Variants in PRDM16 observed in about 807,000 individuals in gnomAD.
PRDM16 encodes PR/SET domain 16.
Under a neutral mutation model 110.6 loss-of-function variants are expected in PRDM16, and 23 were observed. The observed-to-expected ratio is 0.21, with a 90% CI of 0.15 to 0.29. The LOEUF is 0.29. Among genes scored for constraint, PRDM16 ranks in the 10% least tolerant of loss-of-function variants. The pLI is 1.00. For synonymous variants in PRDM16, 799 were observed against 781.8 expected, an observed-to-expected ratio of 1.02 and a Z score of -0.37; for missense variants, 1,615 against 1,794.3, an observed-to-expected ratio of 0.90 and a Z score of 1.81.
chr1:3,162,392 A>G (rs2651901), intron 1 of PRDM16, among the ~76,000 whole-genome samples: 40,926 of 152,060 alleles, frequency 0.27, 6,164 homozygotes, highest in African/African-American at 0.4. Context: ...CCCTGTGGAT[A>G]GGCCGGCTTG....
intron 5 of PRDM16, among the ~76,000 whole-genome samples, chr1:3,399,399 GCC>G (rs1643432424): frequency 6.6e-6 from 1 of 152,130 alleles, no homozygotes; most frequent in Non-Finnish European, 1.5e-5. Context: ...CATAAACTAT[GCC>G]CCCGTTTCTG....
In PRDM16 at chr1:3,182,932, C is replaced by T. The variant is rs1212707325; in HGVS notation, c.38-3193C>T. 7.9e-5 allele frequency among the ~76,000 whole-genome samples: 12 copies of T among 152,320 alleles called. 1 individual carries two copies. The East Asian group carries it at 2.3e-3, about 29-fold the overall frequency. On this transcript the variant is annotated intron_variant, in intron 1 of 16. Coordinates refer to ENST00000270722, the MANE Select transcript of PRDM16 (RefSeq NM_022114.4). ...ACCTCTTCCCTCCCGAGCTCCCTGCCTCCCCACTCCCCTCCTTGCTTTTAT... is the reference window on the plus strand; with the variant it reads ...ACCTCTTCCCTCCCGAGCTCCCTGCTTCCCCACTCCCCTCCTTGCTTTTAT...
At chr1:3,330,541 A>T (rs577865418) in intron 3 of PRDM16, among the ~76,000 whole-genome samples, 1 of 152,154 alleles carries the variant, frequency 6.6e-6, no homozygotes, top group East Asian at 1.9e-4. Flanking sequence ...ATCCCCTCTC[A>T]GCTCAGCGGG....
chr1:3,127,849 G>A (rs1348875932), intron 1 of PRDM16: 3 of 152,810 alleles, frequency 2.0e-5, no homozygotes, highest in African/African-American at 7.2e-5. Context: ...CATGAGCCCT[G>A]GGTTCGGGGA....
chr1:3,223,178 T>C (rs2817150), intron 2 of PRDM16, among the ~76,000 whole-genome samples: 57,267 of 146,466 alleles, frequency 0.39, 16,780 homozygotes, highest in African/African-American at 0.82. Context: ...GGTGCGATCT[T>C]GGCTCACTGC....
intron 2 of PRDM16, among the ~76,000 whole-genome samples, chr1:3,202,610 G>T (rs958432600): frequency 6.6e-6 from 1 of 152,188 alleles, no homozygotes; most frequent in Non-Finnish European, 1.5e-5. Context: ...CCGTCTAAAG[G>T]TGAGGGATGG....
chr1:3,354,460 A>AG (rs35169152), intron 3 of PRDM16, among the ~76,000 whole-genome samples: 1 of 25,048 alleles, frequency 4.0e-5, no homozygotes, highest in Non-Finnish European at 7.3e-5. Flanking sequence ...ACTCTGCCTC[A>AG]AAAAAAAAAA....
chr1:3,082,846 G>C (rs1290686338), intron 1 of PRDM16, among the ~76,000 whole-genome samples: 4 of 152,232 alleles, frequency 2.6e-5, no homozygotes, highest in African/African-American at 9.6e-5. Context: ...CCGGCGCCTG[G>C]GTGCTGCGTG....
intron 3 of PRDM16, among the ~76,000 whole-genome samples, chr1:3,299,422 G>A (rs111827991): frequency 0.01 from 720 of 68,584 alleles, 9 homozygotes; most frequent in Middle Eastern, 0.036. Context: ...TGCTGTGGCC[G>A]TGATGTTTCC....
intron 2 of PRDM16, among the ~76,000 whole-genome samples, chr1:3,188,754 A>G (rs1050993528): frequency 3.3e-5 from 5 of 152,096 alleles, no homozygotes; most frequent in African/African-American, 1.2e-4. Flanking sequence ...GGGGGCAGCC[A>G]TGTGCGTCGG....
chr1:3,162,598 G>A (rs1643908133), intron 1 of PRDM16, among the ~76,000 whole-genome samples: 1 of 152,226 alleles, frequency 6.6e-6, no homozygotes, highest in African/African-American at 2.4e-5. Flanking sequence ...AAAATGACCA[G>A]GCTCCCAGGA....
At chr1:3,147,181 C>T (rs974543805) in intron 1 of PRDM16, among the ~76,000 whole-genome samples, 8 of 135,572 alleles carry the variant, frequency 5.9e-5, no homozygotes, top group East Asian at 2.3e-4. Flanking sequence ...CGTGTGTGCT[C>T]GGTGTGGGTG....
chr1:3,378,765 C>T (rs1643040769), intron 3 of PRDM16, among the ~76,000 whole-genome samples: 1 of 152,044 alleles, frequency 6.6e-6, no homozygotes, highest in Admixed American at 6.5e-5. Flanking sequence ...ACAGTACAGG[C>T]CCAAGAAGCC....
chr1:3,352,967 C>T (rs956252098), intron 3 of PRDM16, among the ~76,000 whole-genome samples: 4 of 152,198 alleles, frequency 2.6e-5, no homozygotes, highest in Non-Finnish European at 4.4e-5. Context: ...CTGCAGGCTT[C>T]GGGGCCCATG....
chr1:3,372,962 G>A (rs1162225432), intron 3 of PRDM16, among the ~76,000 whole-genome samples: 1 of 152,188 alleles, frequency 6.6e-6, no homozygotes, highest in Non-Finnish European at 1.5e-5. Context: ...CAGCTAGCGG[G>A]GTTTGGGGGA....
At chr1:3,084,485 T>TGGG (rs1037926301) in intron 1 of PRDM16, among the ~76,000 whole-genome samples, 4 of 152,138 alleles carry the variant, frequency 2.6e-5, no homozygotes, top group Admixed American at 6.5e-5. Flanking sequence ...CACGGAATGC[T>TGGG]GGGGGCGAGG....
rs1280120410 is a variant in PRDM16, at chr1:3,434,303, TAGAC to T, written c.*495_*498del. On this transcript the variant is annotated 3_prime_UTR_variant, in exon 17 of 17. Coordinates refer to ENST00000270722, the MANE Select transcript of PRDM16 (RefSeq NM_022114.4). ...CTATTTAAGCATGTGGTTTTAAAAATAGACAGTATTTTTTAAAAATCAAAAAATG... is the reference window on the plus strand; with the variant it reads ...CTATTTAAGCATGTGGTTTTAAAAATAGTATTTTTTAAAAATCAAAAAATG... 13 of 233,060 alleles carry T rather than the reference TAGAC, an allele frequency of 5.6e-5. No homozygotes were observed. The highest frequency in any genetic ancestry group is 3.6e-4 in the South Asian group (2 of 5,546). The allele number at this position is 233,060 out of a possible 1,614,324, so 14.4% of individuals were successfully genotyped here.
chr1:3,134,161 A>C (rs1449563144), intron 1 of PRDM16, among the ~76,000 whole-genome samples: 1 of 152,144 alleles, frequency 6.6e-6, no homozygotes, highest in Non-Finnish European at 1.5e-5. Flanking sequence ...GGGACCTTGG[A>C]GATCAGCACC....
At chr1:3,220,415 C>T (rs1450377991) in intron 2 of PRDM16, among the ~76,000 whole-genome samples, 1 of 152,226 alleles carries the variant, frequency 6.6e-6, no homozygotes, top group Admixed American at 6.5e-5. Context: ...CCTTCCACAG[C>T]TCTGTGGGCC....
Sources: allele counts gnomAD v4.1 joint callset (sites outside exome capture counted in the v4.1 genomes callset), GRCh38; gene constraint gnomAD v4.1.1; transcripts MANE v1.5; gene names NCBI Gene and HGNC (gene_info 2026-07-23, HGNC 2026-07-21).